STPG4: variants seen among roughly 807,000 people sequenced by gnomAD.
The protein encoded by STPG4 is sperm-tail PG-rich repeat containing 4.
STPG4 carries 41 observed loss-of-function variants against 31.5 expected under a neutral mutation model. That is an observed-to-expected ratio of 1.30 (90% CI 1.01 to 1.69). The LOEUF is 1.69. STPG4 is among the 40% of genes most tolerant of loss of function. STPG4 has a pLI of 0.00. For missense variants in STPG4, 375 were observed against 293.4 expected (o/e 1.28, Z -2.03); for synonymous variants, 141 against 103.0 (o/e 1.37, Z -2.24).
At chr2:47,136,791 G>A (rs905817643) in intron 3 of STPG4, among the ~76,000 whole-genome samples, 1 of 151,966 alleles carries the variant, frequency 6.6e-6, no homozygotes, top group African/African-American at 2.4e-5. Context: ...TTTCATTGCT[G>A]GTATATATAC....
chr2:47,127,325 G>A (rs1405641062), intron 5 of STPG4, among the ~76,000 whole-genome samples: 1 of 123,712 alleles, frequency 8.1e-6, no homozygotes, highest in Non-Finnish European at 1.6e-5. Flanking sequence ...CTGGAGCGCA[G>A]CAGCACAATC....
At position 47,151,390 on chromosome 2, in the gene STPG4, G is replaced by A. The variant is rs1455791371; in HGVS notation, c.267C>T (p.Asn89=). 5.0e-6 allele frequency: 8 copies of A among 1,614,098 alleles called. No individual in the cohort carries two copies. Among genetic ancestry groups the A allele is most frequent in the African/African-American group, 1.3e-5 (1 of 74,928 alleles). Residue 89 remains asparagine, a synonymous_variant, in exon 3 of 7, where the codon AAC becomes AAT. Coordinates refer to ENST00000445927, the MANE Select transcript of STPG4 (RefSeq NM_001163561.2). ...GRKKPPLVQR[N]NPVLNDLPQY... ...GCGGAAGATCATTTAGGACTGGATT[G>A]TTTCTTTGCACAAGAGGTGGCTTTT... is the stretch of plus-strand genomic sequence containing the variant.
intron 5 of STPG4, among the ~76,000 whole-genome samples, chr2:47,105,750 G>A (rs1470724284): frequency 2.6e-5 from 4 of 151,980 alleles, no homozygotes; most frequent in African/African-American, 9.7e-5. Context: ...CAGAACTAGT[G>A]GCACTTACCT....
chr2:47,107,509 C>T (rs1436907300), intron 5 of STPG4, among the ~76,000 whole-genome samples: 2 of 152,188 alleles, frequency 1.3e-5, no homozygotes, highest in South Asian at 2.1e-4. Context: ...GTCTTAGCTG[C>T]CTTCCCAAGG....
Position 47,117,932 on chromosome 2 carries a change from T to A in STPG4, c.519+12009A>T, listed in dbSNP as rs567646237. Among the ~76,000 whole-genome samples, 977 of 108,478 alleles carry A rather than the reference T, an allele frequency of 9.0e-3. 18 individuals carry two copies. Among genetic ancestry groups the A allele is most frequent in the East Asian group, 0.055 (273 of 4,986 alleles). 71.2% of individuals were successfully genotyped at this position (108,478 alleles called of 152,430 possible). On this transcript the variant is annotated intron_variant, in intron 5 of 6. Transcript: ENST00000445927. ...TAGTACAACATATATATATATATATTTTTTTTTTAATAGAGATGAGGTCTT... is the reference window on the plus strand; with the variant it reads ...TAGTACAACATATATATATATATATATTTTTTTTAATAGAGATGAGGTCTT...
chr2:47,145,020 G>A (rs1275600726), intron 3 of STPG4, among the ~76,000 whole-genome samples: 4 of 152,154 alleles, frequency 2.6e-5, no homozygotes, highest in East Asian at 1.9e-4. Context: ...GTGAGCCACC[G>A]TGCCCAGCCA....
At chr2:47,134,195 C>G (rs894859402) in intron 3 of STPG4, among the ~76,000 whole-genome samples, 1 of 152,158 alleles carries the variant, frequency 6.6e-6, no homozygotes, top group African/African-American at 2.4e-5. Flanking sequence ...ACAGACGAAC[C>G]TACACTGGCA....
chr2:47,107,280 G>A (rs773669297), intron 5 of STPG4, among the ~76,000 whole-genome samples: 1 of 152,092 alleles, frequency 6.6e-6, no homozygotes, highest in Admixed American at 6.5e-5. Context: ...AGGTGTGGAG[G>A]GAGACGCGCA....
intron 5 of STPG4, among the ~76,000 whole-genome samples, chr2:47,115,517 T>C (rs1686129565): frequency 6.6e-6 from 1 of 152,216 alleles, no homozygotes; most frequent in Non-Finnish European, 1.5e-5. Context: ...TTGAAAATAA[T>C]GTTCCTGTTC....
At position 47,093,647 on chromosome 2, in the gene STPG4, G is replaced by A. The variant is rs138709470; in HGVS notation, c.520-3273C>T. 5.0e-4 allele frequency among the ~76,000 whole-genome samples: 76 copies of A among 152,310 alleles called. 2 individuals carry two copies. Among genetic ancestry groups the A allele is most frequent in the African/African-American group, 1.8e-3 (74 of 41,558 alleles). On this transcript the variant is annotated intron_variant, in intron 5 of 6. Coordinates refer to ENST00000445927, the MANE Select transcript of STPG4 (RefSeq NM_001163561.2). The stretch of plus-strand genomic sequence containing the variant: ...GGTCTCAAGCTGCCTGGGAGTCCAG[G>A]CATGAAGGCTGATGAAGCATGATGC...
At chr2:47,095,577 G>A (rs917903845) in intron 5 of STPG4, among the ~76,000 whole-genome samples, 8 of 152,090 alleles carry the variant, frequency 5.3e-5, no homozygotes, top group Non-Finnish European at 1.5e-5. Context: ...CTTTGTTATG[G>A]CAGCCCTAGC....
intron 3 of STPG4, among the ~76,000 whole-genome samples, 178 bp from the exon 4 acceptor site, chr2:47,130,438 T>C (rs1686454863): frequency 6.6e-6 from 1 of 152,378 alleles, no homozygotes; most frequent in African/African-American, 2.4e-5. Flanking sequence ...ACATTTAACA[T>C]AGATTCGGTC....
rs894580362 is a variant in STPG4 at position 47,138,314 on chromosome 2, T to C, written c.400-8054A>G. Reference sequence around the variant, plus strand: ...TTCTAGTTATCTTTGTGTTATTGATTTGTAGTTTAATTCAGTTTAATTCCA... The same window carrying C: ...TTCTAGTTATCTTTGTGTTATTGATCTGTAGTTTAATTCAGTTTAATTCCA... On this transcript the variant is annotated intron_variant, in intron 3 of 6. Coordinates refer to ENST00000445927, the MANE Select transcript of STPG4 (RefSeq NM_001163561.2). Among the ~76,000 whole-genome samples, 10 of 152,200 alleles carry C rather than the reference T, an allele frequency of 6.6e-5. No individual in the cohort carries two copies. In the East Asian group the frequency reaches 1.5e-3, roughly 23 times the overall value.
chr2:47,142,251 T>C (rs182835257), intron 3 of STPG4, among the ~76,000 whole-genome samples: 284 of 120,822 alleles, frequency 2.4e-3, no homozygotes, highest in African/African-American at 8.0e-3. Context: ...GGCGCCTTTC[T>C]AGCCTGGCTA....
intron 1 of STPG4, among the ~76,000 whole-genome samples, chr2:47,153,698 C>G (rs13036098): frequency 6.6e-6 from 1 of 152,090 alleles, no homozygotes; most frequent in Non-Finnish European, 1.5e-5. Flanking sequence ...ACTTGAACTC[C>G]GTAGGCAGAG....
At chr2:47,134,009 C>T (rs1686544033) in intron 3 of STPG4, among the ~76,000 whole-genome samples, 1 of 138,988 alleles carries the variant, frequency 7.2e-6, no homozygotes, top group South Asian at 2.2e-4. Context: ...ACCCTACTTA[C>T]TAAGCTCTTG....
intron 3 of STPG4, among the ~76,000 whole-genome samples, chr2:47,133,570 CTTTTTT>C (rs10682288): frequency 7.4e-5 from 5 of 67,152 alleles, no homozygotes; most frequent in South Asian, 1.3e-3. Flanking sequence ...GCACTCAAAT[CTTTTTT>C]TTTTTTTTTT....
At chr2:47,115,974 A>G (rs1379667223) in intron 5 of STPG4, among the ~76,000 whole-genome samples, 4 of 152,152 alleles carry the variant, frequency 2.6e-5, no homozygotes, top group Admixed American at 1.3e-4. Flanking sequence ...TCTTACTTGC[A>G]TGGTAGAAAC....
At chr2:47,151,740 T>C (rs62140339) in intron 2 of STPG4, among the ~76,000 whole-genome samples, 6,446 of 151,968 alleles carry the variant, frequency 0.042, 230 homozygotes, top group African/African-American at 0.095. Context: ...GAGTTGAAAT[T>C]TAACTTTTTT....
Sources: allele counts gnomAD v4.1 joint callset (sites outside exome capture counted in the v4.1 genomes callset), GRCh38; gene constraint gnomAD v4.1.1; transcripts MANE v1.5; gene names NCBI Gene and HGNC (gene_info 2026-07-23, HGNC 2026-07-21).